The following GLIS3 variants were observed in gnomAD, a reference collection of about 807,000 sequenced individuals.
GLIS3 encodes the protein GLIS family zinc finger 3, also known as zinc finger protein GLIS3.
Under a neutral mutation model 78.6 loss-of-function variants are expected in GLIS3, and 53 were observed. That is an observed-to-expected ratio of 0.67 (90% CI 0.54 to 0.85). The LOEUF (loss-of-function observed/expected upper bound fraction) is 0.85. GLIS3 is among the 40% of genes least tolerant of loss of function. The pLI, the probability that GLIS3 is intolerant of heterozygous loss-of-function variation, is 0.00. For missense variants in GLIS3, 1,703 were observed against 1,231.1 expected (o/e 1.38, Z -5.74); for synonymous variants, 684 against 509.9 (o/e 1.34, Z -4.60).
At chr9:4,339,511 C>G (rs1817802163) in intron 2 of GLIS3, among the ~76,000 whole-genome samples, 1 of 151,678 alleles carries the variant, frequency 6.6e-6, no homozygotes, top group Admixed American at 6.6e-5. Context: ...GCTGGCGCCG[C>G]CTAGAGGCCA....
At chr9:4,207,533 TTAA>T (rs1402949770) in intron 2 of GLIS3, among the ~76,000 whole-genome samples, 1 of 152,194 alleles carries the variant, frequency 6.6e-6, no homozygotes, top group African/African-American at 2.4e-5. Context: ...CTGCTTAAAG[TTAA>T]TAATAACAGC....
intron 2 of GLIS3, among the ~76,000 whole-genome samples, chr9:4,248,245 C>G (rs1051576631): frequency 1.3e-5 from 2 of 150,796 alleles, no homozygotes; most frequent in Admixed American, 1.3e-4. Flanking sequence ...CCCAGCCCCC[C>G]ATCCCCCAAC....
chr9:4,287,452 C>G (rs566877222), intron 1 of GLIS3, among the ~76,000 whole-genome samples: 1 of 152,332 alleles, frequency 6.6e-6, no homozygotes, highest in East Asian at 1.9e-4. Context: ...GAAGGCCCCT[C>G]CTTCCCTTGA....
chr9:3,954,819 G>T (rs1201773156), intron 4 of GLIS3, among the ~76,000 whole-genome samples: 1 of 152,116 alleles, frequency 6.6e-6, no homozygotes, highest in African/African-American at 2.4e-5. Flanking sequence ...CGCTGGGATG[G>T]GTAATGAGAA....
intron 2 of GLIS3, among the ~76,000 whole-genome samples, chr9:4,179,192 T>C (rs1017154190): frequency 5.3e-5 from 8 of 152,230 alleles, no homozygotes; most frequent in East Asian, 1.9e-4. Flanking sequence ...TGAATCCAAA[T>C]GTGTGAACCA....
At chr9:4,190,714 C>A (rs967266946) in intron 2 of GLIS3, among the ~76,000 whole-genome samples, 1 of 151,952 alleles carries the variant, frequency 6.6e-6, no homozygotes. Context: ...AAGAGCAACT[C>A]CAAGACACAT....
At chr9:4,274,785 T>TCA (rs1563878286) in intron 2 of GLIS3, among the ~76,000 whole-genome samples, 1 of 152,162 alleles carries the variant, frequency 6.6e-6, no homozygotes, top group Non-Finnish European at 1.5e-5. Context: ...TGCACATGAA[T>TCA]CACCTGGGAA....
chr9:3,929,455 G>C (rs76003582), intron 6 of GLIS3, among the ~76,000 whole-genome samples: 5 of 152,002 alleles, frequency 3.3e-5, no homozygotes. Context: ...ACGTGCCCAC[G>C]GTCAGGGCAT....
At chr9:4,473,248 T>G in the GLIS3 span, among the ~76,000 whole-genome samples, 90 of 152,068 alleles carry the variant, frequency 5.9e-4, no homozygotes, top group African/African-American at 2.0e-3. Flanking sequence ...AAGAATGAGA[T>G]CAGCCTGACC....
chr9:4,118,764 G>T lies in GLIS3; in HGVS notation c.714C>A (p.Ser238=), dbSNP rs750069819. 1 of 1,613,412 alleles carries T rather than the reference G, an allele frequency of 6.2e-7. No individual in the cohort carries two copies. Among genetic ancestry groups the T allele is most frequent in the Admixed American group, 1.7e-5 (1 of 60,026 alleles). The part of the protein sequence containing the change: ...SQGYRALPSL[S]NHGSQNGLDL... ...CAAGGCCATTCTGAGAGCCGTGGTT[G>T]GAGAGCGAAGGGAGGGCCCTGTAGC... The change falls in exon 4 of 11, where the codon TCC becomes TCA. Residue 238 remains serine (S), a synonymous_variant. Transcript: ENST00000381971. This position sits in a 1 kb window ranked among gnomAD's most constrained non-coding sequence, Gnocchi z 4.7.
At chr9:4,340,903 C>T (rs1817824833) in intron 2 of GLIS3, among the ~76,000 whole-genome samples, 2 of 152,118 alleles carry the variant, frequency 1.3e-5, no homozygotes. Flanking sequence ...GCCATGTTGG[C>T]CAGGCTGGTC....
chr9:4,240,022 T>C (rs1823140572), intron 2 of GLIS3, among the ~76,000 whole-genome samples: 1 of 152,238 alleles, frequency 6.6e-6, no homozygotes, highest in Non-Finnish European at 1.5e-5. Context: ...ACCATTTAAC[T>C]TGATTTTTTT....
intron 6 of GLIS3, among the ~76,000 whole-genome samples, chr9:3,918,440 G>C (rs1291882956): frequency 6.6e-6 from 1 of 152,140 alleles, no homozygotes; most frequent in Admixed American, 6.6e-5. Flanking sequence ...TATTATAAAA[G>C]ATTCAAGTTC....
chr9:3,976,732 T>C lies in GLIS3; in HGVS notation c.1711-39543A>G, dbSNP rs1032178730. On this transcript the variant is annotated intron_variant, in intron 4 of 10. Coordinates refer to ENST00000381971, the MANE Select transcript of GLIS3 (RefSeq NM_001042413.2). ...CCCATTTACTTGCATCTCACCCCAT[T>C]CCTTAGTGCCAACACAGTGACAAGG... Among the ~76,000 whole-genome samples the C allele has an allele frequency of 6.7e-5, 9 of 134,344 alleles. No homozygotes were observed. In the Admixed American group the frequency reaches 7.6e-4, roughly 11 times the overall value. The allele number at this position is 134,344 out of a possible 152,430, so 88.1% of individuals were successfully genotyped here.
At chr9:3,989,598 G>C (rs755311502) in intron 4 of GLIS3, among the ~76,000 whole-genome samples, 5 of 152,048 alleles carry the variant, frequency 3.3e-5, no homozygotes, top group African/African-American at 4.8e-5. Context: ...AATCTCCAGT[G>C]AATTTAGCTG....
At chr9:3,835,597 G>A (rs977140070) in intron 9 of GLIS3, among the ~76,000 whole-genome samples, 3 of 152,200 alleles carry the variant, frequency 2.0e-5, no homozygotes, top group Admixed American at 2.0e-4. Context: ...AGTGACTAAT[G>A]TGTGTGCTTG....
chr9:4,073,297 A>G (rs1827772236), intron 4 of GLIS3, among the ~76,000 whole-genome samples: 1 of 152,146 alleles, frequency 6.6e-6, no homozygotes, highest in Admixed American at 6.5e-5. Context: ...TGCGTCTCAA[A>G]CCTCAGTGCA....
chr9:4,172,615 T>A (rs904375226), intron 2 of GLIS3, among the ~76,000 whole-genome samples: 1 of 152,176 alleles, frequency 6.6e-6, no homozygotes, highest in African/African-American at 2.4e-5. Flanking sequence ...GATAAATGAA[T>A]AAATGAGTGA....
chr9:4,122,475 CAAAG>C (rs1832263092), intron 3 of GLIS3, among the ~76,000 whole-genome samples: 2 of 152,088 alleles, frequency 1.3e-5, no homozygotes, highest in Non-Finnish European at 2.9e-5. Flanking sequence ...GATATACTCT[CAAAG>C]GAAACCATCA....
Sources: gnomAD v4.1 joint callset for allele counts (sites outside exome capture counted in the v4.1 genomes callset) on GRCh38, gnomAD v4.1.1 for gene constraint, Gnocchi (gnomAD v3.1) non-coding constraint, MANE v1.5 for transcripts, NCBI Gene and HGNC (gene_info 2026-07-23, HGNC 2026-07-21) for gene names.